Variants in RBFOX1 observed in about 807,000 individuals in gnomAD.
RBFOX1 encodes the protein RNA binding protein fox-1 homolog 1.
In RBFOX1, 8 loss-of-function variants were observed where a neutral mutation model predicts 57.7. The ratio of observed to expected loss-of-function variants is 0.14; its 90% CI spans 0.08 to 0.25. RBFOX1 has a LOEUF of 0.25. Among genes scored for constraint, RBFOX1 ranks in the 10% least tolerant of loss-of-function variants. The probability of loss-of-function intolerance (pLI) is 1.00; values close to 1 mark genes in which losing one functional copy is unlikely to be tolerated. For synonymous variants in RBFOX1, 326 were observed against 222.4 expected, an observed-to-expected ratio of 1.47 and a Z score of -4.15; for missense variants, 611 against 548.5, an observed-to-expected ratio of 1.11 and a Z score of -1.14.
chr16:7,351,339 T>A (rs2097126816), intron 4 of RBFOX1, among the ~76,000 whole-genome samples: 2 of 152,276 alleles, frequency 1.3e-5, no homozygotes, highest in Admixed American at 1.3e-4. Context: ...GGTTAGTTCA[T>A]TCCTTTGATA....
At chr16:7,062,702 T>C (rs1030179887) in intron 4 of RBFOX1, among the ~76,000 whole-genome samples, 8 of 152,048 alleles carry the variant, frequency 5.3e-5, no homozygotes, top group African/African-American at 1.4e-4. Context: ...ATGCTAAATA[T>C]GGTGAAGAAA....
intron 2 of RBFOX1, among the ~76,000 whole-genome samples, chr16:6,437,970 G>A (rs538183175): frequency 2.0e-5 from 3 of 152,064 alleles, no homozygotes; most frequent in Non-Finnish European, 4.4e-5. Context: ...TCTTCTGATG[G>A]GACAAGGAAA....
chr16:7,655,146 G>T (rs2065990649), intron 12 of RBFOX1, among the ~76,000 whole-genome samples: 1 of 152,072 alleles, frequency 6.6e-6, no homozygotes, highest in South Asian at 2.1e-4. Flanking sequence ...ATGACAAAAA[G>T]AAACACTTTT....
At chr16:5,406,544 C>T (rs773047736) in intron 1 of RBFOX1, among the ~76,000 whole-genome samples, 1 of 151,994 alleles carries the variant, frequency 6.6e-6, no homozygotes, top group Non-Finnish European at 1.5e-5. Flanking sequence ...TATAATAAAT[C>T]TCTCCCTCTC....
At chr16:7,125,944 G>A (rs182954697) in intron 4 of RBFOX1, among the ~76,000 whole-genome samples, 12 of 152,218 alleles carry the variant, frequency 7.9e-5, no homozygotes, top group South Asian at 4.1e-4. Context: ...TTACCTGTGC[G>A]TGGTGGCACA....
intron 1 of RBFOX1, among the ~76,000 whole-genome samples, chr16:6,123,545 A>G (rs913312977): frequency 5.3e-5 from 8 of 152,196 alleles, no homozygotes; most frequent in African/African-American, 1.9e-4. Context: ...GAGTCTCAGT[A>G]TGGGAAGATG....
At chr16:7,535,684 G>T (rs1168127769) in intron 5 of RBFOX1, among the ~76,000 whole-genome samples, 1 of 152,060 alleles carries the variant, frequency 6.6e-6, no homozygotes, top group Non-Finnish European at 1.5e-5. Flanking sequence ...CCTTAGTTTG[G>T]CATCCCAAAA....
intron 1 of RBFOX1, chr16:5,270,473 T>C (rs1266104941): frequency 1.5e-5 from 11 of 745,632 alleles, no homozygotes; most frequent in Non-Finnish European, 2.7e-5. Flanking sequence ...GACTAACTTC[T>C]ATGGCATGGG....
chr16:6,817,951 G>T (rs2154272978), intron 3 of RBFOX1, among the ~76,000 whole-genome samples: 1 of 152,258 alleles, frequency 6.6e-6, no homozygotes, highest in East Asian at 1.9e-4. Context: ...TTGGGCTTCA[G>T]AATGAGATGA....
At chr16:5,686,719 A>G (rs1596753417) in intron 3 of RBFOX1, among the ~76,000 whole-genome samples, 1 of 152,318 alleles carries the variant, frequency 6.6e-6, no homozygotes, top group East Asian at 1.9e-4. Context: ...TCATAGTGGA[A>G]ATTGCCGAAA....
intron 4 of RBFOX1, among the ~76,000 whole-genome samples, chr16:7,196,185 T>G (rs930639489): frequency 2.6e-5 from 4 of 152,196 alleles, no homozygotes; most frequent in Non-Finnish European, 5.9e-5. Context: ...GTATAAATAA[T>G]CAGTATGTTC....
chr16:7,494,751 G>C (rs1004881076), intron 4 of RBFOX1, among the ~76,000 whole-genome samples: 7 of 150,856 alleles, frequency 4.6e-5, no homozygotes, highest in African/African-American at 1.2e-4. Context: ...GTCTGGAAGT[G>C]GCTTTCATTC....
chr16:5,382,085 G>A (rs1284348826), intron 1 of RBFOX1, among the ~76,000 whole-genome samples: 1 of 152,176 alleles, frequency 6.6e-6, no homozygotes, highest in African/African-American at 2.4e-5. Flanking sequence ...CCCCTGGTTG[G>A]GAAGCCCTGC....
chr16:6,141,703 G>A (rs561436485), intron 1 of RBFOX1, among the ~76,000 whole-genome samples: 1 of 147,784 alleles, frequency 6.8e-6, no homozygotes, highest in Non-Finnish European at 1.5e-5. Context: ...ATTACAATAA[G>A]TTTCTTTTAA....
At chr16:7,188,561 C>T (rs1437552687) in intron 4 of RBFOX1, among the ~76,000 whole-genome samples, 1 of 152,066 alleles carries the variant, frequency 6.6e-6, no homozygotes, top group Non-Finnish European at 1.5e-5. Context: ...CACCTCGTTC[C>T]CTGAATGCTA....
intron 2 of RBFOX1, among the ~76,000 whole-genome samples, chr16:5,469,605 G>C (rs887127757): frequency 1.3e-5 from 2 of 152,068 alleles, no homozygotes; most frequent in Non-Finnish European, 2.9e-5. Context: ...CCTTCATGTA[G>C]TTCCAAAGCA....
At position 5,787,920 on chromosome 16, in the gene RBFOX1, G is replaced by T. The variant is rs182872276; in HGVS notation, c.319-79383G>T. On this transcript the variant is annotated intron_variant, in intron 3 of 19. Transcript: ENST00000641259. ...GTTATGTGGCAGGTCATTCACTGAAGATTTGGGCAGAGACAAGAGAGAGGC... is the reference window on the plus strand; with the variant it reads ...GTTATGTGGCAGGTCATTCACTGAATATTTGGGCAGAGACAAGAGAGAGGC... Among the ~76,000 whole-genome samples, 14 of 152,350 alleles carry T rather than the reference G, an allele frequency of 9.2e-5. No homozygotes were observed. In the East Asian group the frequency reaches 2.5e-3, roughly 27 times the overall value.
chr16:6,543,730 G>A (rs1270785436), intron 2 of RBFOX1, among the ~76,000 whole-genome samples: 5 of 152,036 alleles, frequency 3.3e-5, no homozygotes, highest in African/African-American at 9.7e-5. Context: ...GGTTCACACC[G>A]AAGCATCTTA....
Position 6,707,313 on chromosome 16 carries a change from C to G in RBFOX1, c.-16+52663C>G, listed in dbSNP as rs899127831. Among the ~76,000 whole-genome samples the G allele has an allele frequency of 4.6e-5, 7 of 152,132 alleles. 1 individual carries two copies. The highest frequency in any genetic ancestry group is 3.9e-4 in the Admixed American group (6 of 15,268). Reference sequence around the variant, plus strand: ...TGAGGCTGAGACAGACGCATTTCCTCTCCTCCTCTAGGTAACACACAATGA... The same window carrying G: ...TGAGGCTGAGACAGACGCATTTCCTGTCCTCCTCTAGGTAACACACAATGA... On this transcript the variant is annotated intron_variant, in intron 3 of 15. Coordinates refer to ENST00000550418, the MANE Select transcript of RBFOX1 (RefSeq NM_018723.4).
Sources: allele counts gnomAD v4.1 joint callset (sites outside exome capture counted in the v4.1 genomes callset), GRCh38; gene constraint gnomAD v4.1.1; transcripts MANE v1.5; gene names NCBI Gene and HGNC (gene_info 2026-07-23, HGNC 2026-07-21).